The following CLASP1 variants were observed in gnomAD, a reference collection of about 807,000 sequenced individuals.
CLASP1 encodes cytoplasmic linker associated protein 1, also known as CLIP-associating protein 1.
CLASP1 carries 38 observed loss-of-function variants against 192.3 expected under a neutral mutation model. That is an observed-to-expected ratio of 0.20 (90% CI 0.15 to 0.26). CLASP1 has a LOEUF of 0.26. Among genes scored for constraint, CLASP1 ranks in the 10% least tolerant of loss-of-function variants. The probability of loss-of-function intolerance (pLI) is 1.00; values close to 1 mark genes in which losing one functional copy is unlikely to be tolerated. For missense variants in CLASP1, 1,433 were observed against 1,932.5 expected (o/e 0.74, Z 4.85); for synonymous variants, 691 against 712.8 (o/e 0.97, Z 0.49).
chr2:121,590,585 G>A (rs547436306), intron 2 of CLASP1, among the ~76,000 whole-genome samples: 60 of 151,784 alleles, frequency 4.0e-4, no homozygotes, highest in African/African-American at 1.4e-3. Context: ...ATTATCTCAG[G>A]GCAAAAGACT....
chr2:121,373,945 C>T (rs957410367), intron 34 of CLASP1, among the ~76,000 whole-genome samples: 5 of 152,106 alleles, frequency 3.3e-5, no homozygotes, highest in Admixed American at 3.3e-4. Context: ...AAAGAAAAAC[C>T]CATTTTTGGG....
chr2:121,565,100 A>G (rs2059391697), intron 2 of CLASP1, among the ~76,000 whole-genome samples: 1 of 152,140 alleles, frequency 6.6e-6, no homozygotes, highest in Non-Finnish European at 1.5e-5. Flanking sequence ...GCCTCCCACC[A>G]CTAGACTATG....
chr2:121,470,935 GTAAGTTCAT>G (rs1213471305), intron 8 of CLASP1, among the ~76,000 whole-genome samples: 1 of 151,688 alleles, frequency 6.6e-6, no homozygotes, highest in African/African-American at 2.4e-5. Context: ...CATTTTTTTC[GTAAGTTCAT>G]TAACTTTTAA....
chr2:121,627,867 T>C lies in CLASP1; in HGVS notation c.-286+21505A>G, dbSNP rs114164281. ...ACTTAAGTGACTTGTCAGCGAAAAA[T>C]AATGTGGAACATCACCTGAGCAATG... On this transcript the variant is annotated intron_variant, in intron 1 of 39. Coordinates refer to ENST00000263710, the Ensembl canonical transcript of CLASP1. Among the ~76,000 whole-genome samples, 421 of 152,306 alleles carry C rather than the reference T, an allele frequency of 2.8e-3. 1 individual carries two copies. Among genetic ancestry groups the C allele is most frequent in the Admixed American group, 5.2e-3 (80 of 15,294 alleles).
At chr2:121,480,064 C>T (rs2092459984) in intron 8 of CLASP1, among the ~76,000 whole-genome samples, 1 of 152,192 alleles carries the variant, frequency 6.6e-6, no homozygotes, top group South Asian at 2.1e-4. Flanking sequence ...AAAAGCTGGG[C>T]TGGCATTTTA....
At chr2:121,555,745 A>G (rs890453019) in intron 2 of CLASP1, among the ~76,000 whole-genome samples, 3 of 136,928 alleles carry the variant, frequency 2.2e-5, no homozygotes, top group Non-Finnish European at 1.5e-5. Context: ...CAGTGATGCA[A>G]TCTTGGCTCA....
At chr2:121,631,566 G>GT (rs947509658) in intron 1 of CLASP1, among the ~76,000 whole-genome samples, 2 of 151,878 alleles carry the variant, frequency 1.3e-5, no homozygotes, top group African/African-American at 4.8e-5. Context: ...GATTACAGGC[G>GT]TAAGCCACCA....
chr2:121,569,898 G>A (rs2059835775), intron 2 of CLASP1, among the ~76,000 whole-genome samples: 1 of 152,140 alleles, frequency 6.6e-6, no homozygotes, highest in South Asian at 2.1e-4. Flanking sequence ...GGCCAACCTT[G>A]TTTGTAAACT....
Position 121,515,770 on chromosome 2 carries a change from T to C in CLASP1, c.547-8A>G. On this transcript the variant is annotated splice_polypyrimidine_tract_variant and splice_region_variant and intron_variant, in intron 6 of 39. Transcript: ENST00000263710. Reference sequence around the variant, plus strand: ...TATTGCTGCATCTCGAACCTAGATATAAAAGAAGAGATCTTACAGCTGCTC... The same window carrying C: ...TATTGCTGCATCTCGAACCTAGATACAAAAGAAGAGATCTTACAGCTGCTC... 2.5e-6 allele frequency: 4 copies of C among 1,612,058 alleles called. No homozygotes were observed. Among genetic ancestry groups the C allele is most frequent in the East Asian group, 2.2e-5 (1 of 44,874 alleles).
rs369870304 is a variant in CLASP1, at chr2:121,367,572, G to T, written c.3886+16C>A. 5 of 1,613,782 alleles carry T rather than the reference G, an allele frequency of 3.1e-6. No individual in the cohort carries two copies. The highest frequency in any genetic ancestry group is 4.2e-6 in the Non-Finnish European group (5 of 1,179,820). Reference sequence around the variant, plus strand: ...AGCACTTCTGGGTGGGGACAGTTAAGAAAAGAGACACCAACCGTCTCGAAG... The same window carrying T: ...AGCACTTCTGGGTGGGGACAGTTAATAAAAGAGACACCAACCGTCTCGAAG... On this transcript the variant is annotated intron_variant, in intron 35 of 39. Transcript: ENST00000263710.
intron 37 of CLASP1, among the ~76,000 whole-genome samples, chr2:121,354,421 A>G (rs960110157): frequency 6.6e-6 from 1 of 152,192 alleles, no homozygotes; most frequent in African/African-American, 2.4e-5. Context: ...TTCCTCCTCC[A>G]TTTGTGCAGG....
chr2:121,495,318 G>A (rs1426287985), intron 8 of CLASP1, among the ~76,000 whole-genome samples: 3 of 99,272 alleles, frequency 3.0e-5, no homozygotes, highest in African/African-American at 8.6e-5. Flanking sequence ...GCTGGACTCC[G>A]TCTCTAAAAC....
At chr2:121,588,673 C>A (rs1183050873) in intron 2 of CLASP1, among the ~76,000 whole-genome samples, 4 of 152,168 alleles carry the variant, frequency 2.6e-5, no homozygotes, top group Non-Finnish European at 4.4e-5. Context: ...TAAATCCACA[C>A]AAATAGTAAG....
intron 39 of CLASP1, among the ~76,000 whole-genome samples, chr2:121,342,757 C>T (rs764773275): frequency 3.9e-5 from 6 of 151,948 alleles, no homozygotes; most frequent in Non-Finnish European, 5.9e-5. Context: ...GGCAACATAG[C>T]GAGACCCTAT....
intron 33 of CLASP1, among the ~76,000 whole-genome samples, chr2:121,378,821 C>T (rs1159552396): frequency 6.6e-6 from 1 of 152,130 alleles, no homozygotes; most frequent in Non-Finnish European, 1.5e-5. Flanking sequence ...AAGCAATCTT[C>T]CTGTTCTTCA....
chr2:121,614,875 T>C (rs892067526), intron 1 of CLASP1, among the ~76,000 whole-genome samples: 1 of 152,206 alleles, frequency 6.6e-6, no homozygotes, highest in Non-Finnish European at 1.5e-5. Flanking sequence ...GATGTATAAC[T>C]AGTAGATTTA....
chr2:121,420,644 A>G (rs2079324335), intron 22 of CLASP1, among the ~76,000 whole-genome samples: 2 of 152,240 alleles, frequency 1.3e-5, no homozygotes, highest in South Asian at 2.1e-4. Context: ...TGAAGAGCAC[A>G]TGTAAAAATT....
At chr2:121,541,823 A>C (rs1367676911) in intron 2 of CLASP1, among the ~76,000 whole-genome samples, 1 of 152,212 alleles carries the variant, frequency 6.6e-6, no homozygotes, top group Non-Finnish European at 1.5e-5. Context: ...GAGGCTAACG[A>C]AGTTTTAACA....
Position 121,481,215 on chromosome 2 carries a change from C to CA in CLASP1, c.713-11256dup, listed in dbSNP as rs572640960. ...CATTATTTGTGCTATGCTTTGCGTG[C>CA]AAAAAACCAGCTCTTCAAAAATATT... On this transcript the variant is annotated intron_variant, in intron 8 of 39. Coordinates refer to ENST00000263710, the Ensembl canonical transcript of CLASP1. Among the ~76,000 whole-genome samples, 21 of 151,898 alleles carry CA rather than the reference C, an allele frequency of 1.4e-4. No individual in the cohort carries two copies. In the East Asian group the frequency reaches 3.1e-3, roughly 22 times the overall value.
Sources: gnomAD v4.1 joint callset for allele counts (sites outside exome capture counted in the v4.1 genomes callset) on GRCh38, gnomAD v4.1.1 for gene constraint, MANE v1.5 for transcripts, NCBI Gene and HGNC (gene_info 2026-07-23, HGNC 2026-07-21) for gene names.